The following KIF16B variants were observed in gnomAD, a reference collection of about 807,000 sequenced individuals.
KIF16B encodes the protein kinesin family member 16B.
KIF16B carries 98 observed loss-of-function variants against 156.3 expected under a neutral mutation model. The ratio of observed to expected loss-of-function variants is 0.63; its 90% confidence interval spans 0.53 to 0.74. The LOEUF (loss-of-function observed/expected upper bound fraction) is 0.74, where lower values mean the gene tolerates loss of function less well. Ranked by LOEUF, KIF16B falls within the 30% of genes least tolerant of loss-of-function variation. The pLI, the probability that KIF16B is intolerant of heterozygous loss-of-function variation, is 0.00. For synonymous variants in KIF16B, 564 were observed against 583.7 expected, an observed-to-expected ratio of 0.97 and a Z score of 0.49; for missense variants, 1,421 against 1,606.5, an observed-to-expected ratio of 0.88 and a Z score of 1.97.
At chr20:16,414,991 C>T (rs1411112801) in intron 15 of KIF16B, among the ~76,000 whole-genome samples, 4 of 152,102 alleles carry the variant, frequency 2.6e-5, no homozygotes, top group African/African-American at 9.7e-5. Context: ...ATAGACTAAG[C>T]TGTGATGCTC....
chr20:16,379,907 C>A lies in KIF16B; in HGVS notation c.2095G>T (p.Glu699Ter). ...TCTTGGACGCGGAGAAAGGTCTCTT[C>A]TTCTTGTCTCTTCTTCTGCAGCTCG... ...EIELQKKRQEEETFLRVQEEL... is the reference protein window; with the variant it reads ...EIELQKKRQE The change falls in exon 19 of 26, where the codon GAA (glutamate) becomes TAA (stop). Residue 699 changes from glutamate (E) to a stop codon, truncating the protein, a stop_gained. Transcript: ENST00000354981. LOFTEE classifies it high-confidence loss of function. 6.2e-7 allele frequency: 1 copy of A among 1,614,174 alleles called. No homozygotes were observed. The highest frequency in any genetic ancestry group is 8.5e-7 in the Non-Finnish European group (1 of 1,180,016).
At chr20:16,338,265 T>C (rs904148658) in intron 23 of KIF16B, among the ~76,000 whole-genome samples, 2 of 152,106 alleles carry the variant, frequency 1.3e-5, no homozygotes, top group Admixed American at 6.5e-5. Context: ...GGGATGGCGG[T>C]CGATACTCTT....
chr20:16,407,223 G>T (rs907818268), intron 15 of KIF16B, among the ~76,000 whole-genome samples: 3 of 152,188 alleles, frequency 2.0e-5, no homozygotes, highest in Non-Finnish European at 4.4e-5. Context: ...AGCGGGCACA[G>T]GTGCCTGCAG....
At chr20:16,535,271 C>T (rs1156582925) in intron 1 of KIF16B, among the ~76,000 whole-genome samples, 1 of 152,174 alleles carries the variant, frequency 6.6e-6, no homozygotes, top group South Asian at 2.1e-4. Flanking sequence ...AATAGGATTG[C>T]CTTCTTCATT....
chr20:16,310,990 C>T (rs181666829), intron 25 of KIF16B, among the ~76,000 whole-genome samples: 51 of 152,322 alleles, frequency 3.3e-4, no homozygotes, highest in Admixed American at 3.3e-4. Flanking sequence ...TCTGCTCTCA[C>T]GGGAACCTCC....
chr20:16,418,912 C>A (rs1365406266), intron 15 of KIF16B, among the ~76,000 whole-genome samples: 3 of 152,102 alleles, frequency 2.0e-5, no homozygotes, highest in East Asian at 1.9e-4. Context: ...CACTTCCCAG[C>A]CTGTCAGAAT....
chr20:16,351,298 T>G (rs952169564), intron 23 of KIF16B, among the ~76,000 whole-genome samples: 13 of 151,010 alleles, frequency 8.6e-5, no homozygotes, highest in Admixed American at 7.9e-4. Flanking sequence ...ATGACATGAG[T>G]GTGATAGTCT....
At chr20:16,493,770 C>G (rs148963192) in intron 12 of KIF16B, among the ~76,000 whole-genome samples, 1 of 152,272 alleles carries the variant, frequency 6.6e-6, no homozygotes, top group African/African-American at 2.4e-5. Flanking sequence ...CTTTTCACAG[C>G]AAGTCTTGCC....
At chr20:16,487,729 T>C (rs553009595) in intron 12 of KIF16B, among the ~76,000 whole-genome samples, 203 of 152,302 alleles carry the variant, frequency 1.3e-3, no homozygotes, top group Admixed American at 1.9e-3. Context: ...TTATCTTTCA[T>C]CATTGTGCTA....
intron 25 of KIF16B, among the ~76,000 whole-genome samples, chr20:16,297,908 AG>A (rs1287596730): frequency 6.6e-6 from 1 of 152,060 alleles, no homozygotes; most frequent in Admixed American, 6.5e-5. Flanking sequence ...GGAATACCCT[AG>A]TCACTGCTCT....
intron 15 of KIF16B, among the ~76,000 whole-genome samples, chr20:16,417,111 G>T (rs564480914): frequency 6.6e-6 from 1 of 152,276 alleles, no homozygotes; most frequent in South Asian, 2.1e-4. Flanking sequence ...AGATTTCCAG[G>T]GAAGGGAAGA....
At chr20:16,402,351 T>G (rs902845283) in intron 17 of KIF16B, among the ~76,000 whole-genome samples, 3 of 152,328 alleles carry the variant, frequency 2.0e-5, no homozygotes, top group African/African-American at 7.2e-5. Context: ...CCAACAAGCA[T>G]GCAAGCTGAC....
At chr20:16,372,245 T>A (rs775336672) in intron 20 of KIF16B, among the ~76,000 whole-genome samples, 3 of 152,216 alleles carry the variant, frequency 2.0e-5, no homozygotes, top group Admixed American at 6.5e-5. Flanking sequence ...GAAATGGACA[T>A]GCTCTCTACA....
intron 12 of KIF16B, among the ~76,000 whole-genome samples, chr20:16,441,664 C>T (rs2066804330): frequency 2.0e-5 from 3 of 152,100 alleles, no homozygotes; most frequent in South Asian, 4.1e-4. Context: ...AATTTTACAT[C>T]CAGGGTTGGG....
chr20:16,517,941 C>T (rs2069196592), intron 3 of KIF16B, among the ~76,000 whole-genome samples: 1 of 152,160 alleles, frequency 6.6e-6, no homozygotes, highest in Non-Finnish European at 1.5e-5. Context: ...TTAAACCAAA[C>T]CCAAAGGTTT....
At chr20:16,342,955 G>C (rs73236247) in intron 23 of KIF16B, among the ~76,000 whole-genome samples, 1 of 152,108 alleles carries the variant, frequency 6.6e-6, no homozygotes, top group Non-Finnish European at 1.5e-5. Context: ...AGACAGAAAG[G>C]CAAAATTAAG....
intron 1 of KIF16B, among the ~76,000 whole-genome samples, chr20:16,571,291 AT>A (rs1308303089): frequency 2.0e-5 from 3 of 151,972 alleles, no homozygotes; most frequent in Admixed American, 2.0e-4. Context: ...CTGCCTTCCA[AT>A]TTCATCTCTG....
intron 17 of KIF16B, among the ~76,000 whole-genome samples, chr20:16,385,433 C>G (rs773988365): frequency 6.6e-6 from 1 of 152,116 alleles, no homozygotes; most frequent in Non-Finnish European, 1.5e-5. Context: ...GAAGGCAGAA[C>G]ATAACTACAA....
chr20:16,488,449 C>T (rs1199849657), intron 12 of KIF16B, among the ~76,000 whole-genome samples: 3 of 152,082 alleles, frequency 2.0e-5, no homozygotes, highest in Admixed American at 6.5e-5. Flanking sequence ...GAAACCAAAA[C>T]GTATGCAGGA....
Sources: allele counts gnomAD v4.1 joint callset (sites outside exome capture counted in the v4.1 genomes callset), GRCh38; gene constraint gnomAD v4.1.1; transcripts MANE v1.5; gene names NCBI Gene and HGNC (gene_info 2026-07-23, HGNC 2026-07-21).